Variants in MAP3K12 observed in about 807,000 individuals in gnomAD.
MAP3K12 encodes the protein mitogen-activated protein kinase kinase kinase 12.
Under a neutral mutation model 87.5 loss-of-function variants are expected in MAP3K12, and 14 were observed. The ratio of observed to expected loss-of-function variants is 0.16; its 90% CI spans 0.11 to 0.25. The LOEUF is 0.25. Ranked by LOEUF, MAP3K12 falls within the 10% of genes least tolerant of loss-of-function variation. MAP3K12 has a pLI of 1.00. For synonymous variants in MAP3K12, 469 were observed against 452.5 expected, an observed-to-expected ratio of 1.04 and a Z score of -0.46; for missense variants, 802 against 1,140.4, an observed-to-expected ratio of 0.70 and a Z score of 4.27.
At chr12:53,494,645 C>T (rs1265373428) in intron 1 of MAP3K12, among the ~76,000 whole-genome samples, 1 of 152,172 alleles carries the variant, frequency 6.6e-6, no homozygotes, top group African/African-American at 2.4e-5. Flanking sequence ...GGTCATCTGC[C>T]TAAATCTTGG....
At chr12:53,485,009 C>T in intron 6 of MAP3K12, 47 bp downstream of exon 6, 1 of 1,612,010 alleles carries the variant, frequency 6.2e-7, no homozygotes, top group Non-Finnish European at 8.5e-7. Flanking sequence ...TACTACCGTG[C>T]TTCTCAACTT....
Position 53,487,130 on chromosome 12 carries a change from C to A in MAP3K12, c.262G>T (p.Ala88Ser). Residue 88 changes from alanine to serine, a missense_variant, in exon 2 of 14, where the codon GCA becomes TCA. By Grantham distance (99) the Ala-to-Ser change is moderately conservative. This residue lies in a region of MAP3K12 where 135 missense variants were observed against 151.6 expected (regional missense o/e 0.89). Coordinates refer to ENST00000547488, the MANE Select transcript of MAP3K12 (RefSeq NM_001193511.2). Reference protein sequence around the residue: ...NSVLQLHEQDAGGPGGAAGSP... With the variant: ...NSVLQLHEQDSGGPGGAAGSP... ...CCAGCTGCTCCCCCTGGGCCCCCTGCATCCTGCTCATGTAGCTGCAGGACA... is the reference window on the plus strand; with the variant it reads ...CCAGCTGCTCCCCCTGGGCCCCCTGAATCCTGCTCATGTAGCTGCAGGACA... 1 of 1,614,066 alleles carries A rather than the reference C, an allele frequency of 6.2e-7. No individual in the cohort carries two copies.
intron 1 of MAP3K12, among the ~76,000 whole-genome samples, chr12:53,489,967 AACCCC>A (rs1943355761): frequency 2.0e-5 from 3 of 152,146 alleles, no homozygotes; most frequent in Admixed American, 1.3e-4. Context: ...TGCCCTCCCT[AACCCC>A]AATTCTCCAC....
intron 1 of MAP3K12, among the ~76,000 whole-genome samples, chr12:53,495,332 C>G (rs1427150148): frequency 2.3e-5 from 2 of 87,176 alleles, no homozygotes; most frequent in African/African-American, 8.3e-5. Flanking sequence ...GAGCAATACT[C>G]TGTCTCCAAA....
intron 13 of MAP3K12, 176 bp downstream of exon 13, chr12:53,481,765 A>T (rs909124284): frequency 5.7e-6 from 4 of 701,298 alleles, no homozygotes; most frequent in Admixed American, 3.0e-5. Context: ...GCTACTGGTC[A>T]GGCATCGTAA....
At chr12:53,485,657 G>T in intron 4 of MAP3K12, 182 bp from the exon 5 acceptor site, 1 of 649,548 alleles carries the variant, frequency 1.5e-6, no homozygotes, top group Non-Finnish European at 2.6e-6. Context: ...CTGGGTTCAA[G>T]TGATTCTCCT....
At chr12:53,500,045 C>G (rs1943649649), upstream of MAP3K12, 1 of 152,406 alleles carries the variant, frequency 6.6e-6, no homozygotes, top group South Asian at 2.1e-4. Flanking sequence ...TCACTCGGCT[C>G]TAGGCCCCAT....
chr12:53,499,244 C>G (rs1022305048), intron 1 of MAP3K12, among the ~76,000 whole-genome samples, 183 bp downstream of exon 1: 2 of 152,152 alleles, frequency 1.3e-5, no homozygotes, highest in Non-Finnish European at 2.9e-5. Context: ...CATTCCCTTC[C>G]TTCCCAGCCC....
At chr12:53,484,185 G>C (rs1303442898) in intron 7 of MAP3K12, 72 bp downstream of exon 7, 1 of 1,451,812 alleles carries the variant, frequency 6.9e-7, no homozygotes. Context: ...CCATTTCCCA[G>C]CCTCCCCCTC....
At chr12:53,484,778 G>C (rs1188932969) in intron 6 of MAP3K12, 8 of 505,920 alleles carry the variant, frequency 1.6e-5, no homozygotes, top group Non-Finnish European at 2.8e-5. Context: ...TGGTGGTTAT[G>C]CTGCTCCTTC....
rs934787839 is a variant in MAP3K12 at position 53,487,509 on chromosome 12, A to T, written c.-37-81T>A. The T allele has an allele frequency of 1.9e-5, 26 of 1,403,618 alleles. No individual in the cohort carries two copies. In the African/African-American group the frequency reaches 3.6e-4, roughly 19 times the overall value. The allele number at this position is 1,403,618 out of a possible 1,614,324, so 86.9% of individuals were successfully genotyped here. A position where few individuals can be genotyped will look rare whatever the true frequency, so the allele number is the denominator to read the frequency against. ...CAGGACACTTATCCCAGAGGCACAGACTGGGGTGCTGGGTTCACAGTAGCC... is the reference window on the plus strand; with the variant it reads ...CAGGACACTTATCCCAGAGGCACAGTCTGGGGTGCTGGGTTCACAGTAGCC... On this transcript the variant is annotated intron_variant, in intron 1 of 13. Coordinates refer to ENST00000547488, the MANE Select transcript of MAP3K12 (RefSeq NM_001193511.2).
chr12:53,501,427 G>A, upstream of MAP3K12: 1 of 1,568,414 alleles, frequency 6.4e-7, no homozygotes, highest in Non-Finnish European at 8.6e-7. Flanking sequence ...AGAGGAGCAA[G>A]GCTCCGGCAC....
chr12:53,484,901 G>A (rs1943186623), intron 6 of MAP3K12, 155 bp downstream of exon 6: 1 of 889,142 alleles, frequency 1.1e-6, no homozygotes, highest in East Asian at 2.6e-5. Context: ...ATTACCCCTG[G>A]TGACTCAGCT....
At chr12:53,485,798 C>T (rs1943213089) in intron 4 of MAP3K12, 2 of 521,792 alleles carry the variant, frequency 3.8e-6, no homozygotes, top group South Asian at 2.4e-5. Context: ...CCTTGTGATC[C>T]ACCCGCCTCG....
At chr12:53,495,605 G>C (rs1240578738) in intron 1 of MAP3K12, among the ~76,000 whole-genome samples, 1 of 150,078 alleles carries the variant, frequency 6.7e-6, no homozygotes, top group Admixed American at 6.7e-5. Context: ...GCCCAGGCTG[G>C]TTCCAAACTC....
chr12:53,498,908 C>CTGTGTGTGTGTGTG (rs71068135), intron 1 of MAP3K12, among the ~76,000 whole-genome samples: 3 of 108,434 alleles, frequency 2.8e-5, no homozygotes, highest in East Asian at 2.5e-4. Flanking sequence ...GTCCAGCCTG[C>CTGTGTGTGTGTGTG]TGTGTGTGTG....
intron 4 of MAP3K12, chr12:53,485,712 C>T (rs930702960): frequency 7.6e-5 from 41 of 538,738 alleles, no homozygotes; most frequent in African/African-American, 4.7e-4. Context: ...CTCGCCACCA[C>T]GCCTGACTAA....
At chr12:53,484,971 C>T in intron 6 of MAP3K12, 85 bp downstream of exon 6, 1 of 1,509,448 alleles carries the variant, frequency 6.6e-7, no homozygotes, top group Non-Finnish European at 9.1e-7. Flanking sequence ...AAATGTACCC[C>T]TGCCATTTAT....
At chr12:53,481,787 T>C in intron 13 of MAP3K12, 154 bp downstream of exon 13, 1 of 878,778 alleles carries the variant, frequency 1.1e-6, no homozygotes, top group South Asian at 1.8e-5. Context: ...AGATGCTCTG[T>C]GCAAGAGGCT....
Sources: allele counts gnomAD v4.1 joint callset (sites outside exome capture counted in the v4.1 genomes callset), GRCh38; gene constraint gnomAD v4.1.1; regional missense constraint gnomAD v4.1.1; transcripts MANE v1.5; gene names NCBI Gene and HGNC (gene_info 2026-07-23, HGNC 2026-07-21).